GPBP1: variants seen among roughly 807,000 people sequenced by gnomAD.
GPBP1 encodes GC-rich promoter binding protein 1, also known as vasculin.
Under a neutral mutation model 56.5 loss-of-function variants are expected in GPBP1, and 13 were observed. The observed-to-expected ratio is 0.23, with a 90% CI of 0.15 to 0.37. The LOEUF is 0.37. Ranked by LOEUF, GPBP1 falls within the 10% of genes least tolerant of loss-of-function variation. The probability of loss-of-function intolerance (pLI) is 1.00; values close to 1 mark genes in which losing one functional copy is unlikely to be tolerated. For missense variants in GPBP1, 477 were observed against 572.3 expected (o/e 0.83, Z 1.70); for synonymous variants, 204 against 188.9 (o/e 1.08, Z -0.66).
In GPBP1 at chr5:57,230,857, T is replaced by G. The variant is rs1316243662; in HGVS notation, c.75T>G (p.Asn25Lys). 6.2e-7 allele frequency: 1 copy of G among 1,605,608 alleles called. No individual in the cohort carries two copies. Among genetic ancestry groups the G allele is most frequent in the African/African-American group, 1.3e-5 (1 of 74,538 alleles). ...ATAATTTGTTTCAGTCGTCATTGAA[T>G]TTTGAGAAGCATTCTGAAAACTTTG... ...TPPSSTKSSL[N>K]FEKHSENFAW... The change falls in exon 4 of 12, where the codon AAT becomes AAG. Residue 25 changes from asparagine to lysine, a missense_variant. This residue lies in a region of GPBP1 where 414 missense variants were observed against 458.2 expected (regional missense o/e 0.90). Coordinates refer to ENST00000506184, the MANE Select transcript of GPBP1 (RefSeq NM_022913.4).
In GPBP1 at chr5:57,262,763, A is replaced by T; in HGVS notation, c.*11A>T. 1 of 1,610,050 alleles carries T rather than the reference A, an allele frequency of 6.2e-7. No individual in the cohort carries two copies. The highest frequency in any genetic ancestry group is 8.5e-7 in the Non-Finnish European group (1 of 1,177,008). Reference sequence around the variant, plus strand: ...GACGACGATGTGTGAAGGATTTCCTAACAGCTTTAGAAATCTTAGTGTGAT... The same window carrying T: ...GACGACGATGTGTGAAGGATTTCCTTACAGCTTTAGAAATCTTAGTGTGAT... On this transcript the variant is annotated 3_prime_UTR_variant, in exon 12 of 12. Transcript: ENST00000506184.
intron 10 of GPBP1, among the ~76,000 whole-genome samples, chr5:57,257,693 A>G (rs904850392): frequency 6.6e-6 from 1 of 152,108 alleles, no homozygotes; most frequent in Non-Finnish European, 1.5e-5. Context: ...AGCCTCAAGT[A>G]ATCCTCATGC....
intron 6 of GPBP1, among the ~76,000 whole-genome samples, chr5:57,237,948 G>A (rs1740613260): frequency 6.6e-6 from 1 of 152,032 alleles, no homozygotes; most frequent in Non-Finnish European, 1.5e-5. Flanking sequence ...TGCGGGGAAT[G>A]TAGTTAAGTG....
intron 6 of GPBP1, among the ~76,000 whole-genome samples, chr5:57,244,716 CTTTG>C (rs1423797673): frequency 3.0e-5 from 4 of 132,210 alleles, no homozygotes; most frequent in South Asian, 2.5e-4. Context: ...ATTTACTATT[CTTTG>C]TTTGAGATTT....
chr5:57,200,360 ATTTTTTT>A (rs70999063), intron 2 of GPBP1, among the ~76,000 whole-genome samples: 100 of 69,836 alleles, frequency 1.4e-3, no homozygotes, highest in Non-Finnish European at 2.0e-3. Flanking sequence ...ATAAGTTTGA[ATTTTTTT>A]TTTTTTTTTT....
At chr5:57,178,573 A>G (rs925232863) in intron 2 of GPBP1, among the ~76,000 whole-genome samples, 14 of 152,128 alleles carry the variant, frequency 9.2e-5, no homozygotes, top group African/African-American at 3.4e-4. Flanking sequence ...GCCATTACTG[A>G]TATTGTTAAT....
intron 2 of GPBP1, among the ~76,000 whole-genome samples, chr5:57,202,984 T>C (rs959732535): frequency 7.2e-5 from 11 of 152,338 alleles, no homozygotes; most frequent in Middle Eastern, 6.8e-3. Context: ...AGATTCAGTT[T>C]GTGAGGAAAG....
At chr5:57,194,113 G>T (rs1334345140) in intron 2 of GPBP1, among the ~76,000 whole-genome samples, 2 of 152,144 alleles carry the variant, frequency 1.3e-5, no homozygotes, top group Non-Finnish European at 2.9e-5. Flanking sequence ...TATGTGTAAA[G>T]TTACCTCATT....
chr5:57,185,184 C>A (rs7718423), intron 2 of GPBP1, among the ~76,000 whole-genome samples: 16,400 of 151,996 alleles, frequency 0.11, 960 homozygotes, highest in African/African-American at 0.13. Flanking sequence ...TGTGCCTTCC[C>A]ACCAGCAATG....
At chr5:57,180,549 C>G (rs1753996220) in intron 2 of GPBP1, among the ~76,000 whole-genome samples, 1 of 152,012 alleles carries the variant, frequency 6.6e-6, no homozygotes, top group South Asian at 2.1e-4. Context: ...AGGTAAGGTA[C>G]TGATGTAGAA....
At chr5:57,224,408 A>G (rs1440072191) in intron 3 of GPBP1, among the ~76,000 whole-genome samples, 1 of 151,642 alleles carries the variant, frequency 6.6e-6, no homozygotes, top group Non-Finnish European at 1.5e-5. Context: ...ATGCCCGGCT[A>G]ATTTTTGTAT....
chr5:57,199,068 T>C (rs1354249982), intron 2 of GPBP1, among the ~76,000 whole-genome samples: 1 of 152,222 alleles, frequency 6.6e-6, no homozygotes, highest in Non-Finnish European at 1.5e-5. Context: ...TCAAACAAAA[T>C]CGAAGTACAT....
chr5:57,202,462 T>C (rs921438508), intron 2 of GPBP1, among the ~76,000 whole-genome samples: 1 of 152,014 alleles, frequency 6.6e-6, no homozygotes, highest in Non-Finnish European at 1.5e-5. Context: ...CTAATTTTTG[T>C]ATTTTTAGTA....
At chr5:57,230,172 T>G (rs763846018) in intron 3 of GPBP1, among the ~76,000 whole-genome samples, 2 of 152,086 alleles carry the variant, frequency 1.3e-5, no homozygotes, top group Non-Finnish European at 2.9e-5. Context: ...TCTCAGGTGA[T>G]CCGCTTGCCT....
rs1482190050 is a variant in GPBP1, at chr5:57,175,635, A to G, written c.-823A>G. On this transcript the variant is annotated 5_prime_UTR_variant, in exon 2 of 12. Transcript: ENST00000506184. ...GAACAATTCAGCAAGCTACTTAAAA[A>G]GAGACCCAGGCAGCATTTCTTCAGT... The G allele has an allele frequency of 2.5e-6, 1 of 396,636 alleles. No homozygotes were observed. The highest frequency in any genetic ancestry group is 4.4e-6 in the Non-Finnish European group (1 of 225,338). 24.6% of individuals were successfully genotyped at this position (396,636 alleles called of 1,614,324 possible). A position where few individuals can be genotyped will look rare whatever the true frequency, so the allele number is the denominator to read the frequency against.
At chr5:57,183,764 A>AT (rs1315963032) in intron 2 of GPBP1, among the ~76,000 whole-genome samples, 2 of 116,354 alleles carry the variant, frequency 1.7e-5, no homozygotes, top group Non-Finnish European at 4.0e-5. Flanking sequence ...GGGGGATATG[A>AT]ATTTTTTTTT....
chr5:57,194,904 G>A (rs950197933), intron 2 of GPBP1, among the ~76,000 whole-genome samples: 1 of 152,072 alleles, frequency 6.6e-6, no homozygotes, highest in African/African-American at 2.4e-5. Context: ...TTCATTCGTT[G>A]ATTGGCAGTA....
intron 6 of GPBP1, among the ~76,000 whole-genome samples, chr5:57,236,475 A>G (rs1236597877): frequency 6.6e-6 from 1 of 152,180 alleles, no homozygotes; most frequent in Non-Finnish European, 1.5e-5. Context: ...ATATACACAT[A>G]TATGTATAGA....
At position 57,251,094 on chromosome 5, in the gene GPBP1, C is replaced by T. The variant is rs1475791557; in HGVS notation, c.1113C>T (p.Thr371=). 6 of 1,612,258 alleles carry T rather than the reference C, an allele frequency of 3.7e-6. No homozygotes were observed. The Admixed American group carries it at 1.0e-4, about 27-fold the overall frequency. The change falls in exon 10 of 12, where the codon ACC becomes ACT. Residue 371 remains threonine, a synonymous_variant. Coordinates refer to ENST00000506184, the MANE Select transcript of GPBP1 (RefSeq NM_022913.4). ...CCCAGCAGATCATTCGGTCTTCAAC[C>T]TTCCCACAAACTGATGTTCTTTCAA... The part of the protein sequence containing the change: ...VISQQIIRSS[T]FPQTDVLSSS...
Sources: gnomAD v4.1 joint callset for allele counts (sites outside exome capture counted in the v4.1 genomes callset) on GRCh38, gnomAD v4.1.1 for gene constraint, gnomAD v4.1.1 regional missense constraint, MANE v1.5 for transcripts, NCBI Gene and HGNC (gene_info 2026-07-23, HGNC 2026-07-21) for gene names.